The following COMMD10 variants were observed in gnomAD, a reference collection of about 807,000 sequenced individuals.
The protein encoded by COMMD10 is COMM domain containing 10.
A neutral mutation model predicts 28.9 loss-of-function variants in COMMD10; 33 were observed. The observed-to-expected ratio is 1.14, with a 90% CI of 0.87 to 1.53. The LOEUF (loss-of-function observed/expected upper bound fraction) is 1.53, where lower values mean the gene tolerates loss of function less well. Among genes scored for constraint, COMMD10 ranks in the 40% most tolerant of loss-of-function variants. The pLI, the probability that COMMD10 is intolerant of heterozygous loss-of-function variation, is 0.00. For synonymous variants in COMMD10, 110 were observed against 81.7 expected (o/e 1.35, Z -1.87); for missense variants, 310 against 233.4 (o/e 1.33, Z -2.14).
intron 5 of COMMD10, among the ~76,000 whole-genome samples, chr5:116,215,007 T>A (rs757200596): frequency 5.3e-5 from 8 of 152,174 alleles, no homozygotes; most frequent in Non-Finnish European, 1.2e-4. Context: ...TCTATGCAAA[T>A]AGAGGATTTT....
chr5:116,182,441 TGA>T (rs1015579251), intron 5 of COMMD10, among the ~76,000 whole-genome samples: 5 of 151,890 alleles, frequency 3.3e-5, no homozygotes, highest in Non-Finnish European at 5.9e-5. Flanking sequence ...TCAGCTGTTT[TGA>T]GAGAGTTTGA....
At chr5:116,215,079 C>G (rs1749062021) in intron 5 of COMMD10, among the ~76,000 whole-genome samples, 1 of 151,506 alleles carries the variant, frequency 6.6e-6, no homozygotes, top group South Asian at 2.1e-4. Flanking sequence ...TAGTTTTTAC[C>G]CATATTGGTT....
chr5:116,240,546 C>G (rs1749785208), intron 5 of COMMD10, among the ~76,000 whole-genome samples: 1 of 152,138 alleles, frequency 6.6e-6, no homozygotes, highest in Non-Finnish European at 1.5e-5. Context: ...TAGCCTTATG[C>G]AGCTGGTAGG....
At chr5:116,254,959 T>G (rs1224272140) in intron 5 of COMMD10, among the ~76,000 whole-genome samples, 1 of 151,548 alleles carries the variant, frequency 6.6e-6, no homozygotes, top group East Asian at 1.9e-4. Flanking sequence ...CACTCAGGAC[T>G]TGCTTTATGA....
intron 5 of COMMD10, among the ~76,000 whole-genome samples, chr5:116,251,767 T>C (rs1750125974): frequency 6.6e-6 from 1 of 152,098 alleles, no homozygotes; most frequent in African/African-American, 2.4e-5. Context: ...TGTGCATGTG[T>C]CTTTATAGCA....
At chr5:116,215,556 G>C (rs1054370988) in intron 5 of COMMD10, among the ~76,000 whole-genome samples, 1 of 151,424 alleles carries the variant, frequency 6.6e-6, no homozygotes, top group Non-Finnish European at 1.5e-5. Flanking sequence ...GCGTGGTGGC[G>C]TGTGCCTGTA....
At chr5:116,190,670 A>G (rs762371475) in intron 5 of COMMD10, among the ~76,000 whole-genome samples, 1 of 152,228 alleles carries the variant, frequency 6.6e-6, no homozygotes, top group Non-Finnish European at 1.5e-5. Flanking sequence ...GTTTTGAGGA[A>G]TACCTCTTAT....
chr5:116,288,288 C>G (rs1224613617), intron 5 of COMMD10, among the ~76,000 whole-genome samples: 1 of 151,772 alleles, frequency 6.6e-6, no homozygotes, highest in Non-Finnish European at 1.5e-5. Flanking sequence ...TTCTGGCCTT[C>G]AAAGTTTCTG....
chr5:116,194,864 AAAG>A (rs1748468113), intron 5 of COMMD10, among the ~76,000 whole-genome samples: 1 of 152,174 alleles, frequency 6.6e-6, no homozygotes, highest in South Asian at 2.1e-4. Flanking sequence ...ATAACCAAAA[AAAG>A]AAAACTACAG....
chr5:116,086,730 G>A (rs1750111665), intron 1 of COMMD10, among the ~76,000 whole-genome samples: 1 of 152,178 alleles, frequency 6.6e-6, no homozygotes, highest in African/African-American at 2.4e-5. Flanking sequence ...AAAGTGCTGG[G>A]ATTATAGGGG....
At chr5:116,188,106 T>C (rs999363833) in intron 5 of COMMD10, among the ~76,000 whole-genome samples, 4 of 152,182 alleles carry the variant, frequency 2.6e-5, no homozygotes, top group African/African-American at 9.7e-5. Flanking sequence ...CTAACCTAGA[T>C]GAACATTGGT....
chr5:116,132,310 A>G (rs138919910), intron 4 of COMMD10, among the ~76,000 whole-genome samples: 42 of 152,286 alleles, frequency 2.8e-4, no homozygotes, highest in African/African-American at 9.9e-4. Context: ...TAGGTAGTTC[A>G]GATGGATTTA....
chr5:116,123,813 C>G (rs1252054459), intron 4 of COMMD10, among the ~76,000 whole-genome samples: 1 of 151,850 alleles, frequency 6.6e-6, no homozygotes, highest in African/African-American at 2.4e-5. Context: ...TGTATGTGTC[C>G]AGGAATTTAT....
At chr5:116,145,067 G>C (rs996498370) in intron 5 of COMMD10, among the ~76,000 whole-genome samples, 1 of 151,872 alleles carries the variant, frequency 6.6e-6, no homozygotes, top group Non-Finnish European at 1.5e-5. Flanking sequence ...GAGTGGTTTT[G>C]ATGGTGGAAA....
At chr5:116,272,249 A>G (rs1222194714) in intron 5 of COMMD10, among the ~76,000 whole-genome samples, 1 of 151,774 alleles carries the variant, frequency 6.6e-6, no homozygotes, top group Non-Finnish European at 1.5e-5. Context: ...GGTATTCTTT[A>G]TAGATATTTT....
At chr5:116,125,858 A>G (rs577220710) in intron 4 of COMMD10, among the ~76,000 whole-genome samples, 2 of 152,118 alleles carry the variant, frequency 1.3e-5, no homozygotes, top group Non-Finnish European at 2.9e-5. Flanking sequence ...TTCTCTTTGA[A>G]AACTGGCACA....
chr5:116,213,766 A>C (rs1749027808), intron 5 of COMMD10, among the ~76,000 whole-genome samples: 1 of 152,024 alleles, frequency 6.6e-6, no homozygotes, highest in African/African-American at 2.4e-5. Flanking sequence ...TTCATAATAC[A>C]GTGTTATTTC....
chr5:116,217,358 A>G (rs1168687054), intron 5 of COMMD10, among the ~76,000 whole-genome samples: 1 of 152,226 alleles, frequency 6.6e-6, no homozygotes, highest in Non-Finnish European at 1.5e-5. Flanking sequence ...TCAGAAAGCC[A>G]CTATAAAACC....
intron 5 of COMMD10, among the ~76,000 whole-genome samples, chr5:116,260,733 A>G (rs1750419871): frequency 6.6e-6 from 1 of 151,858 alleles, no homozygotes; most frequent in Non-Finnish European, 1.5e-5. Flanking sequence ...TTAATTAATT[A>G]CATTTTTGGA....
Sources: allele counts gnomAD v4.1 joint callset (sites outside exome capture counted in the v4.1 genomes callset), GRCh38; gene constraint gnomAD v4.1.1; transcripts MANE v1.5; gene names NCBI Gene and HGNC (gene_info 2026-07-23, HGNC 2026-07-21).